Variants in ZDHHC17 observed in about 807,000 individuals in gnomAD.
ZDHHC17 encodes zDHHC palmitoyltransferase 17, also known as palmitoyltransferase ZDHHC17.
In ZDHHC17, 40 loss-of-function variants were observed where a neutral mutation model predicts 90.3. The observed-to-expected ratio is 0.44, with a 90% confidence interval of 0.34 to 0.58. The LOEUF is 0.58. Among genes scored for constraint, ZDHHC17 ranks in the 20% least tolerant of loss-of-function variants. The pLI is 0.01. For synonymous variants in ZDHHC17, 235 were observed against 252.4 expected, an observed-to-expected ratio of 0.93 and a Z score of 0.65; for missense variants, 614 against 780.8, an observed-to-expected ratio of 0.79 and a Z score of 2.55.
At chr12:76,787,617 C>CCTCTCTCT (rs3044465) in intron 1 of ZDHHC17, among the ~76,000 whole-genome samples, 4 of 148,964 alleles carry the variant, frequency 2.7e-5, no homozygotes, top group African/African-American at 5.0e-5. Context: ...TCTGTCTCTC[C>CCTCTCTCT]CTCTCTCTCT....
intron 1 of ZDHHC17, among the ~76,000 whole-genome samples, chr12:76,783,603 A>G (rs1197532705): frequency 6.6e-6 from 1 of 152,236 alleles, no homozygotes. Flanking sequence ...CCGTATCACC[A>G]TGGAATACAG....
chr12:76,781,649 G>A (rs1211548039), intron 1 of ZDHHC17: 1 of 456,032 alleles, frequency 2.2e-6, no homozygotes, highest in South Asian at 1.5e-5. Flanking sequence ...CCAGATGTGG[G>A]CCCCTTCACC....
intron 10 of ZDHHC17, among the ~76,000 whole-genome samples, chr12:76,836,374 C>T (rs1238493877): frequency 1.3e-5 from 2 of 151,512 alleles, no homozygotes; most frequent in Admixed American, 1.3e-4. Context: ...TTGTCCATTT[C>T]TTTTCTTTTA....
chr12:76,794,446 T>C (rs1241611936), intron 1 of ZDHHC17, among the ~76,000 whole-genome samples: 1 of 152,188 alleles, frequency 6.6e-6, no homozygotes, highest in Non-Finnish European at 1.5e-5. Flanking sequence ...CCAGTCTGTT[T>C]AAAAGTGAGA....
intron 1 of ZDHHC17, among the ~76,000 whole-genome samples, chr12:76,768,658 T>C (rs1207392418): frequency 6.6e-6 from 1 of 152,166 alleles, no homozygotes; most frequent in Non-Finnish European, 1.5e-5. Flanking sequence ...AGAGACCATA[T>C]GTTGGTCTAC....
At chr12:76,837,345 A>G (rs1953378622) in intron 10 of ZDHHC17, among the ~76,000 whole-genome samples, 1 of 152,112 alleles carries the variant, frequency 6.6e-6, no homozygotes, top group African/African-American at 2.4e-5. Flanking sequence ...AACTAAAAAA[A>G]TTAGCCGGGT....
chr12:76,791,420 T>C (rs1011294121), intron 1 of ZDHHC17, among the ~76,000 whole-genome samples: 6 of 152,192 alleles, frequency 3.9e-5, no homozygotes, highest in Admixed American at 3.3e-4. Flanking sequence ...TGTAACAAAA[T>C]GCCTTTATTT....
At chr12:76,768,855 CTCTT>C (rs1483195861) in intron 1 of ZDHHC17, among the ~76,000 whole-genome samples, 4 of 152,168 alleles carry the variant, frequency 2.6e-5, no homozygotes, top group East Asian at 1.9e-4. Context: ...GGGCTTTCAT[CTCTT>C]TCTTTCTTCC....
At chr12:76,764,761 T>C (rs1487264864) in intron 1 of ZDHHC17, 2 of 460,366 alleles carry the variant, frequency 4.3e-6, no homozygotes, top group Non-Finnish European at 8.7e-6. Flanking sequence ...TATTGCTTCC[T>C]TTTAGTCCAC....
chr12:76,805,446 A>G lies in ZDHHC17; in HGVS notation c.320+7A>G. 5.2e-6 allele frequency: 8 copies of G among 1,532,132 alleles called. No homozygotes were observed. Among genetic ancestry groups the G allele is most frequent in the East Asian group, 2.5e-5 (1 of 40,808 alleles). 94.9% of individuals were successfully genotyped at this position (1,532,132 alleles called of 1,614,324 possible). A position where few individuals can be genotyped will look rare whatever the true frequency, so the allele number is the denominator to read the frequency against. On this transcript the variant is annotated splice_region_variant and intron_variant, in intron 3 of 16. Coordinates refer to ENST00000426126, the MANE Select transcript of ZDHHC17 (RefSeq NM_015336.4). ...ACAGAATAGATTTAGTCAAGTATGT[A>G]TTTTCTCTATTTTTAATTATTAGAA...
chr12:76,784,158 A>G (rs1952660037), intron 1 of ZDHHC17, among the ~76,000 whole-genome samples: 2 of 152,242 alleles, frequency 1.3e-5, no homozygotes, highest in African/African-American at 4.8e-5. Flanking sequence ...GATTTCAAAA[A>G]GTTCATGGAA....
At chr12:76,826,838 G>A in intron 8 of ZDHHC17, 70 bp from the exon 9 acceptor site, 1 of 1,436,132 alleles carries the variant, frequency 7.0e-7, no homozygotes, top group Non-Finnish European at 9.1e-7. Context: ...CCTTCACAAA[G>A]GTAACAATGA....
At chr12:76,800,543 TTTTAA>T (rs1346045020) in intron 2 of ZDHHC17, among the ~76,000 whole-genome samples, 2 of 152,264 alleles carry the variant, frequency 1.3e-5, no homozygotes, top group African/African-American at 4.8e-5. Flanking sequence ...TGTTCAATGC[TTTTAA>T]TTTATAATTG....
chr12:76,853,389 A>G lies in ZDHHC17; in HGVS notation c.*2404A>G, dbSNP rs555187874. Reference sequence around the variant, plus strand: ...TCAACTTAATTGGATACTTTTAGCAAATAGGAACTTAATTCTCAGCACTGA... The same window carrying G: ...TCAACTTAATTGGATACTTTTAGCAGATAGGAACTTAATTCTCAGCACTGA... On this transcript the variant is annotated 3_prime_UTR_variant, in exon 17 of 17. Coordinates refer to ENST00000426126, the MANE Select transcript of ZDHHC17 (RefSeq NM_015336.4). 21 of 152,672 alleles carry G rather than the reference A, an allele frequency of 1.4e-4. No homozygotes were observed. Among genetic ancestry groups the G allele is most frequent in the African/African-American group, 4.8e-4 (20 of 41,564 alleles). 9.5% of individuals were successfully genotyped at this position (152,672 alleles called of 1,614,324 possible). A position where few individuals can be genotyped will look rare whatever the true frequency, so the allele number is the denominator to read the frequency against.
intron 5 of ZDHHC17, among the ~76,000 whole-genome samples, chr12:76,811,202 C>T (rs1953014767): frequency 6.6e-6 from 1 of 152,150 alleles, no homozygotes; most frequent in South Asian, 2.1e-4. Context: ...GGTGTGAATA[C>T]CAAGAGGCCA....
At chr12:76,784,298 G>A (rs1952661646) in intron 1 of ZDHHC17, among the ~76,000 whole-genome samples, 1 of 152,104 alleles carries the variant, frequency 6.6e-6, no homozygotes. Context: ...ACATCAGTTT[G>A]AAAAGAGCCC....
intron 10 of ZDHHC17, among the ~76,000 whole-genome samples, chr12:76,828,859 A>G (rs1953262184): frequency 6.6e-6 from 1 of 151,942 alleles, no homozygotes; most frequent in Admixed American, 6.6e-5. Context: ...TGTTGTAGGG[A>G]TATATTGTGT....
At chr12:76,805,690 A>G (rs1324837905) in intron 3 of ZDHHC17, among the ~76,000 whole-genome samples, 1 of 152,218 alleles carries the variant, frequency 6.6e-6, no homozygotes, top group Non-Finnish European at 1.5e-5. Flanking sequence ...ATATAACCGT[A>G]TATGAAATAT....
rs1388752694 is a variant in ZDHHC17 at position 76,764,379 on chromosome 12, T to C, written c.93+50T>C. 3.3e-6 allele frequency: 5 copies of C among 1,514,700 alleles called. No individual in the cohort carries two copies. In the South Asian group the frequency reaches 4.8e-5, roughly 15 times the overall value. 93.8% of individuals were successfully genotyped at this position (1,514,700 alleles called of 1,614,324 possible). On this transcript the variant is annotated intron_variant, in intron 1 of 16. Coordinates refer to ENST00000426126, the MANE Select transcript of ZDHHC17 (RefSeq NM_015336.4). ...CCTTGCCCTGCGGCCCTCCAGCCTT[T>C]CTTCCCCGGACTCGCCGAGGGCGGC...
Sources: allele counts gnomAD v4.1 joint callset (sites outside exome capture counted in the v4.1 genomes callset), GRCh38; gene constraint gnomAD v4.1.1; transcripts MANE v1.5; gene names NCBI Gene and HGNC (gene_info 2026-07-23, HGNC 2026-07-21).